The following TBL1X variants were observed in gnomAD, a reference collection of about 807,000 sequenced individuals.
TBL1X encodes the protein transducin beta like 1 X-linked.
TBL1X carries 10 observed loss-of-function variants against 50.7 expected under a neutral mutation model. That is an observed-to-expected ratio of 0.20 (90% confidence interval 0.12 to 0.33). The LOEUF (loss-of-function observed/expected upper bound fraction) is 0.33. TBL1X is among the 10% of genes least tolerant of loss of function. The pLI is 1.00. For synonymous variants in TBL1X, 190 were observed against 214.7 expected, an observed-to-expected ratio of 0.88 and a Z score of 1.01; for missense variants, 340 against 504.4, an observed-to-expected ratio of 0.67 and a Z score of 3.12.
At chrX:9,474,023 G>T (rs763199859) in intron 1 of TBL1X, among the ~76,000 whole-genome samples, 3 of 112,227 alleles carry the variant, frequency 2.7e-5, no homozygotes, top group Non-Finnish European at 5.6e-5. Flanking sequence ...GGAAGGACAG[G>T]GGACAGAAAT....
chrX:9,653,625 C>G lies in TBL1X; in HGVS notation c.39C>G (p.His13Gln). 1 of 1,173,618 alleles carries G rather than the reference C, an allele frequency of 8.5e-7. No homozygotes were observed. The highest frequency in any genetic ancestry group is 1.1e-6 in the Non-Finnish European group (1 of 875,916). Residue 13 changes from histidine to glutamine, a missense_variant, in exon 4 of 18, where the codon CAC becomes CAG. Physicochemically the swap from His to Gln is conservative, Grantham distance 24. Coordinates refer to ENST00000645353, the MANE Select transcript of TBL1X (RefSeq NM_005647.4). ...ELAGASSSCC[H>Q]RPAGRGAMQS... ...CTGGCGCCTCTTCATCGTGCTGCCACCGCCCTGCAGGAAGAGGGGCCATGC... is the reference window on the plus strand; with the variant it reads ...CTGGCGCCTCTTCATCGTGCTGCCAGCGCCCTGCAGGAAGAGGGGCCATGC...
At chrX:9,503,870 A>G (rs1315354944) in intron 2 of TBL1X, among the ~76,000 whole-genome samples, 2 of 112,564 alleles carry the variant, frequency 1.8e-5, no homozygotes, top group Non-Finnish European at 3.8e-5. Flanking sequence ...TGGTAGTTCC[A>G]AGGAATCTGG....
At chrX:9,616,551 C>CA (rs1328799836) in intron 2 of TBL1X, among the ~76,000 whole-genome samples, 1 of 111,943 alleles carries the variant, frequency 8.9e-6, no homozygotes, top group Non-Finnish European at 1.9e-5. Flanking sequence ...AGCTTATACT[C>CA]ACGCAGGTTG....
chrX:9,653,523 C>G, intron 3 of TBL1X, 22 bp from the exon 4 acceptor site: 1 of 991,997 alleles, frequency 1.0e-6, no homozygotes, highest in Non-Finnish European at 1.4e-6. Flanking sequence ...TCCCTGCCTT[C>G]TGTGTTCTGG....
chrX:9,664,283 G>A (rs1281248961), intron 5 of TBL1X, among the ~76,000 whole-genome samples: 1 of 112,646 alleles, frequency 8.9e-6, no homozygotes, highest in Non-Finnish European at 1.9e-5. Context: ...AGCTTTGTGT[G>A]TGTGATAGAT....
At chrX:9,498,657 A>C (rs2081984894) in intron 1 of TBL1X, among the ~76,000 whole-genome samples, 1 of 112,605 alleles carries the variant, frequency 8.9e-6, no homozygotes, top group Non-Finnish European at 1.9e-5. Flanking sequence ...ACAAGTCTGC[A>C]GAGACCGCAG....
chrX:9,509,467 G>A (rs763839094), intron 2 of TBL1X, among the ~76,000 whole-genome samples: 184 of 92,679 alleles, frequency 2.0e-3, no homozygotes, highest in African/African-American at 6.6e-3. Context: ...GCATCATTTT[G>A]TATGTACAGA....
chrX:9,593,526 C>T (rs1169130916), intron 2 of TBL1X, among the ~76,000 whole-genome samples: 1 of 110,979 alleles, frequency 9.0e-6, no homozygotes, highest in Non-Finnish European at 1.9e-5. Context: ...CACTGCCAAC[C>T]TTGACCTACC....
intron 2 of TBL1X, among the ~76,000 whole-genome samples, chrX:9,547,321 G>T (rs1293196441): frequency 9.2e-6 from 1 of 108,913 alleles, no homozygotes; most frequent in Non-Finnish European, 1.9e-5. Context: ...TCATTTTTTT[G>T]TTGTTGTTTT....
At chrX:9,691,819 C>T (rs934939365) in intron 8 of TBL1X, 108 bp downstream of exon 8, 3 of 1,053,426 alleles carry the variant, frequency 2.8e-6, no homozygotes, top group African/African-American at 1.9e-5. Flanking sequence ...CCCCTTCTTA[C>T]CCCGGTGTGT....
At chrX:9,704,148 G>T (rs1362793662) in intron 12 of TBL1X, among the ~76,000 whole-genome samples, 1 of 112,329 alleles carries the variant, frequency 8.9e-6, no homozygotes, top group African/African-American at 3.2e-5. Context: ...CCCAAAGTCA[G>T]GGAGGGTGTC....
intron 3 of TBL1X, among the ~76,000 whole-genome samples, chrX:9,645,996 C>T (rs149492882): frequency 0.054 from 6,041 of 112,268 alleles, 172 homozygotes; most frequent in Non-Finnish European, 0.088. Flanking sequence ...ATCCTAGCTT[C>T]GCTGGGATTT....
In TBL1X at chrX:9,691,451, A is replaced by AG. The variant is rs1456387451; in HGVS notation, c.617-128_617-127insG. On this transcript the variant is annotated intron_variant, in intron 7 of 17. Transcript: ENST00000645353. The stretch of plus-strand genomic sequence containing the variant: ...ATTCCGTCTCAAAAAAAAAAAAAAA[A>AG]AAAGAAAAGGAATCATCAGAGGTAG... 17 of 710,440 alleles carry AG rather than the reference A, an allele frequency of 2.4e-5. No homozygotes were observed. The African/African-American group carries it at 3.4e-4, about 14-fold the overall frequency. The allele number at this position is 710,440 out of a possible 1,213,427, so 58.5% of individuals were successfully genotyped here.
At chrX:9,645,471 C>T (rs769829326) in intron 3 of TBL1X, 2 of 112,131 alleles carry the variant, frequency 1.8e-5, no homozygotes, top group East Asian at 5.6e-4. Flanking sequence ...CACACAGTCC[C>T]CTGTCATGGA....
chrX:9,691,455 GAAAA>G (rs1180152334), intron 7 of TBL1X, 120 bp from the exon 8 acceptor site: 1 of 474,208 alleles, frequency 2.1e-6, no homozygotes, highest in Non-Finnish European at 3.0e-6. Context: ...AAAAAAAAAA[GAAAA>G]GGAATCATCA....
intron 2 of TBL1X, among the ~76,000 whole-genome samples, chrX:9,517,877 G>A (rs889852384): frequency 1.3e-4 from 14 of 111,579 alleles, no homozygotes; most frequent in Admixed American, 1.0e-3. Context: ...GGCTGAAGTG[G>A]GAGGATTACT....
intron 2 of TBL1X, among the ~76,000 whole-genome samples, chrX:9,613,258 T>A (rs370658584): frequency 9.0e-6 from 1 of 111,418 alleles, no homozygotes; most frequent in South Asian, 3.8e-4. Context: ...CCCTCCACCC[T>A]GCAGACTCCA....
At chrX:9,600,063 G>A (rs1484741778) in intron 2 of TBL1X, among the ~76,000 whole-genome samples, 1 of 111,689 alleles carries the variant, frequency 9.0e-6, no homozygotes, top group Non-Finnish European at 1.9e-5. Context: ...CTTTCAGTTG[G>A]ATCAGTAACA....
chrX:9,633,621 T>C (rs1347142075), intron 2 of TBL1X, among the ~76,000 whole-genome samples: 3 of 112,116 alleles, frequency 2.7e-5, no homozygotes, highest in Non-Finnish European at 5.6e-5. Context: ...ATTACCATCT[T>C]GGCACACTTG....
Sources: allele counts gnomAD v4.1 joint callset (sites outside exome capture counted in the v4.1 genomes callset), GRCh38; gene constraint gnomAD v4.1.1; transcripts MANE v1.5; gene names NCBI Gene and HGNC (gene_info 2026-07-23, HGNC 2026-07-21).